The following GRB10 variants were observed in gnomAD, a reference collection of about 807,000 sequenced individuals.
GRB10 encodes the protein growth factor receptor bound protein 10.
Under a neutral mutation model 80.9 loss-of-function variants are expected in GRB10, and 20 were observed. The observed-to-expected ratio is 0.25, with a 90% CI of 0.17 to 0.36. GRB10 has a LOEUF of 0.36. GRB10 is among the 10% of genes least tolerant of loss of function. The pLI is 1.00. For missense variants in GRB10, 548 were observed against 747.7 expected (o/e 0.73, Z 3.12); for synonymous variants, 291 against 291.5 (o/e 1.00, Z 0.02).
rs574139315 is a variant in GRB10, at chr7:50,762,934, G to A, written c.-216-6878C>T. On this transcript the variant is annotated intron_variant, in intron 2 of 18. Transcript: ENST00000401949. ...AGATGGAGACGATCCTGGCTAACACGGTGAAACCCCATCTCTACTAAAAAT... is the reference window on the plus strand; with the variant it reads ...AGATGGAGACGATCCTGGCTAACACAGTGAAACCCCATCTCTACTAAAAAT... Among the ~76,000 whole-genome samples the A allele has an allele frequency of 5.3e-4, 80 of 152,246 alleles. No homozygotes were observed. In the Middle Eastern group the frequency reaches 0.01, roughly 19 times the overall value.
In GRB10 at chr7:50,595,619, A is replaced by ACACACACACC; in HGVS notation, c.1545-90_1545-89insGGTGTGTGTG. Reference sequence around the variant, plus strand: ...CACTCTCTTACACACACACACACACACACACACACACACACACAGGCTTGG... The same window carrying ACACACACACC: ...CACTCTCTTACACACACACACACACACACACACACCCACACACACACACACACAGGCTTGG... On this transcript the variant is annotated intron_variant, in intron 17 of 18. Coordinates refer to ENST00000401949, the MANE Select transcript of GRB10 (RefSeq NM_001350814.2). The ACACACACACC allele has an allele frequency of 2.0e-5, 15 of 766,576 alleles. No homozygotes were observed. The South Asian group carries it at 2.1e-4, about 11-fold the overall frequency. The allele number at this position is 766,576 out of a possible 1,614,324, so 47.5% of individuals were successfully genotyped here. A position where few individuals can be genotyped will look rare whatever the true frequency, so the allele number is the denominator to read the frequency against.
At chr7:50,773,922 A>T (rs2077300360) in intron 2 of GRB10, among the ~76,000 whole-genome samples, 1 of 152,184 alleles carries the variant, frequency 6.6e-6, no homozygotes, top group Non-Finnish European at 1.5e-5. Flanking sequence ...CAGTGGCGTG[A>T]TCTCAGCTCA....
chr7:50,607,413 T>C (rs1447411378), intron 13 of GRB10, among the ~76,000 whole-genome samples: 1 of 152,212 alleles, frequency 6.6e-6, no homozygotes, highest in Non-Finnish European at 1.5e-5. Flanking sequence ...TTCAATATGG[T>C]GCATGCCTCA....
intron 2 of GRB10, among the ~76,000 whole-genome samples, chr7:50,765,510 G>C (rs1167162810): frequency 6.6e-6 from 1 of 152,196 alleles, no homozygotes. Context: ...TCTATCATTT[G>C]CAACAGCATG....
intron 3 of GRB10, among the ~76,000 whole-genome samples, chr7:50,741,551 TAAAA>T (rs752078809): frequency 8.6e-6 from 1 of 116,928 alleles, no homozygotes; most frequent in Non-Finnish European, 1.8e-5. Flanking sequence ...AACATGTGTT[TAAAA>T]AAAAAAAAAA....
chr7:50,714,927 C>T (rs536881363), intron 4 of GRB10, among the ~76,000 whole-genome samples: 1 of 152,060 alleles, frequency 6.6e-6, no homozygotes. Context: ...ACATTCTTCC[C>T]CCATGAGCAG....
intron 7 of GRB10, among the ~76,000 whole-genome samples, chr7:50,661,875 T>C (rs2059315988): frequency 6.6e-6 from 1 of 152,224 alleles, no homozygotes; most frequent in South Asian, 2.1e-4. Context: ...GCTGCCGTTG[T>C]GGAGAGAGGA....
At chr7:50,726,204 C>A (rs1432061710) in intron 4 of GRB10, among the ~76,000 whole-genome samples, 1 of 152,128 alleles carries the variant, frequency 6.6e-6, no homozygotes, top group East Asian at 1.9e-4. Flanking sequence ...TCAAGACCAG[C>A]CTGGCCAACA....
chr7:50,756,872 A>G (rs148941226), intron 2 of GRB10, among the ~76,000 whole-genome samples: 1 of 152,328 alleles, frequency 6.6e-6, no homozygotes, highest in African/African-American at 2.4e-5. Flanking sequence ...TGAAATACAC[A>G]GAGAATGGCT....
At position 50,632,506 on chromosome 7, in the gene GRB10, T is replaced by A. The variant is rs180928329; in HGVS notation, c.505-5528A>T. Among the ~76,000 whole-genome samples the A allele has an allele frequency of 5.8e-3, 874 of 151,996 alleles. 58 individuals are homozygous for A. The highest frequency in any genetic ancestry group is 0.056 in the Admixed American group (863 of 15,280). ...CCCACTGTCTGAACACAGCAAAGAG[T>A]GTGGCGCAGGTTCAAGGGGTGGCAT... On this transcript the variant is annotated intron_variant, in intron 7 of 18. Transcript: ENST00000401949.
intron 5 of GRB10, among the ~76,000 whole-genome samples, chr7:50,693,916 CAAAGA>C (rs1289675932): frequency 2.0e-5 from 3 of 151,444 alleles, no homozygotes; most frequent in African/African-American, 7.3e-5. Flanking sequence ...TTGCAGTCAG[CAAAGA>C]AGAGAAGCCA....
intron 1 of GRB10, among the ~76,000 whole-genome samples, chr7:50,790,417 A>G (rs2078861977): frequency 6.6e-6 from 1 of 152,278 alleles, no homozygotes; most frequent in African/African-American, 2.4e-5. Flanking sequence ...ACCAGGAAAA[A>G]AAAAAGTTTA....
chr7:50,748,794 A>G (rs1451989636), intron 3 of GRB10, among the ~76,000 whole-genome samples: 1 of 152,152 alleles, frequency 6.6e-6, no homozygotes, highest in Non-Finnish European at 1.5e-5. Context: ...GACCACAAAG[A>G]CTCTGAAGTA....
chr7:50,624,892 C>T (rs2052596833), intron 8 of GRB10, among the ~76,000 whole-genome samples: 1 of 151,134 alleles, frequency 6.6e-6, no homozygotes. Context: ...AATCATTTCA[C>T]TTGTTTCCCT....
chr7:50,749,134 G>GTT lies in GRB10; in HGVS notation c.-47+6751_-47+6752dup, dbSNP rs11405172. Reference sequence around the variant, plus strand: ...TTTGTTTTGTTTTGTTTTTTTGTTTGTTTTTTTTTTTTGAGATGGAGTCTC... The same window carrying GTT: ...TTTGTTTTGTTTTGTTTTTTTGTTTGTTTTTTTTTTTTTTGAGATGGAGTCTC... On this transcript the variant is annotated intron_variant, in intron 3 of 18. Coordinates refer to ENST00000401949, the MANE Select transcript of GRB10 (RefSeq NM_001350814.2). 5.8e-5 allele frequency among the ~76,000 whole-genome samples: 8 copies of GTT among 137,932 alleles called. 1 individual carries two copies. Among genetic ancestry groups the GTT allele is most frequent in the African/African-American group, 7.9e-5 (3 of 38,038 alleles). 90.5% of individuals were successfully genotyped at this position (137,932 alleles called of 152,430 possible). A position where few individuals can be genotyped will look rare whatever the true frequency, so the allele number is the denominator to read the frequency against.
chr7:50,759,776 G>A (rs2075548956), intron 2 of GRB10, among the ~76,000 whole-genome samples: 1 of 151,990 alleles, frequency 6.6e-6, no homozygotes, highest in Admixed American at 6.6e-5. Context: ...CAGCTGCCAG[G>A]GACCCAGTCA....
At chr7:50,725,969 C>T (rs2068575707) in intron 4 of GRB10, 1 of 152,194 alleles carries the variant, frequency 6.6e-6, no homozygotes, top group South Asian at 2.1e-4. Flanking sequence ...ACGCCTGATC[C>T]CTGATCTATC....
In GRB10 at chr7:50,653,619, CTCTGAGT is replaced by C. The variant is rs139372911; in HGVS notation, c.504+16096_504+16102del. On this transcript the variant is annotated intron_variant, in intron 7 of 18. Coordinates refer to ENST00000401949, the MANE Select transcript of GRB10 (RefSeq NM_001350814.2). ...CCAGGCAGGAAGAGCCCTCCCAGCCCTCTGAGTTCTCCCACACTCCTCCCCTTGGAAA... is the reference window on the plus strand; with the variant it reads ...CCAGGCAGGAAGAGCCCTCCCAGCCCTCTCCCACACTCCTCCCCTTGGAAA... Among the ~76,000 whole-genome samples the C allele has an allele frequency of 7.3e-3, 1,115 of 152,338 alleles. 11 individuals carry two copies. The highest frequency in any genetic ancestry group is 0.07 in the East Asian group (360 of 5,166).
In GRB10 at chr7:50,674,607, T is replaced by A; in HGVS notation, c.191A>T (p.Glu64Val). ...ALVNDMNASL[E>V]SLYSACSMQS... ...CATGCTGCAGGCCGAGTACAGGCTC[T>A]CCAGGGATGCATTCATATCGTTCAC... is the stretch of plus-strand genomic sequence containing the variant. The change falls in exon 6 of 19, where the codon GAG becomes GTG. Residue 64 changes from glutamate to valine, a missense_variant. Transcript: ENST00000401949. 6 of 1,613,814 alleles carry A rather than the reference T, an allele frequency of 3.7e-6. 1 individual carries two copies. The highest frequency in any genetic ancestry group is 1.7e-6 in the Non-Finnish European group (2 of 1,180,044).
Sources: gnomAD v4.1 joint callset for allele counts (sites outside exome capture counted in the v4.1 genomes callset) on GRCh38, gnomAD v4.1.1 for gene constraint, MANE v1.5 for transcripts, NCBI Gene and HGNC (gene_info 2026-07-23, HGNC 2026-07-21) for gene names.